The following CLEC1B variants were observed in gnomAD, a reference collection of about 807,000 sequenced individuals.
CLEC1B encodes the protein C-type lectin-like receptor 2.
In CLEC1B, 26 loss-of-function variants were observed where a neutral mutation model predicts 26.7. The observed-to-expected ratio is 0.97, with a 90% CI of 0.71 to 1.35. The LOEUF (loss-of-function observed/expected upper bound fraction) is 1.35. Among genes scored for constraint, CLEC1B ranks in the 40% most tolerant of loss-of-function variants. The probability of loss-of-function intolerance (pLI) is 0.00; values close to 1 mark genes in which losing one functional copy is unlikely to be tolerated. For missense variants in CLEC1B, 293 were observed against 282.6 expected (o/e 1.04, Z -0.26); for synonymous variants, 112 against 96.0 (o/e 1.17, Z -0.97).
Position 9,996,965 on chromosome 12 carries a change from T to C in CLEC1B, c.319A>G (p.Arg107Gly). ...CCATAGCAGCTATCTCCATAATATCTCCAGTTTGTGTCACAGGGGCTGCAT... is the reference window on the plus strand; with the variant it reads ...CCATAGCAGCTATCTCCATAATATCCCCAGTTTGTGTCACAGGGGCTGCAT... ...HKCSPCDTNW[R>G]YYGDSCYGFF... The change falls in exon 4 of 6, where the codon AGA becomes GGA. Residue 107 changes from arginine to glycine, a missense_variant. Coordinates refer to ENST00000298527, the MANE Select transcript of CLEC1B (RefSeq NM_016509.4). 1 of 1,614,082 alleles carries C rather than the reference T, an allele frequency of 6.2e-7. No individual in the cohort carries two copies. The highest frequency in any genetic ancestry group is 2.2e-5 in the East Asian group (1 of 44,876).
chr12:9,995,461 A>G (rs1359398554), intron 4 of CLEC1B: 1 of 492,626 alleles, frequency 2.0e-6, no homozygotes, highest in Non-Finnish European at 3.7e-6. Context: ...TGTACACAAA[A>G]TAGCTGATAT....
At chr12:9,995,541 G>C (rs1199380789) in intron 4 of CLEC1B, 3 of 369,324 alleles carry the variant, frequency 8.1e-6, no homozygotes, top group Admixed American at 7.8e-5. Flanking sequence ...CTCCCAAATA[G>C]AATACCAAAT....
chr12:9,993,395 G>GTAA, intron 5 of CLEC1B, 108 bp from the exon 6 acceptor site: 1 of 588,794 alleles, frequency 1.7e-6, no homozygotes, highest in East Asian at 3.6e-5. Flanking sequence ...GAGGAAAATA[G>GTAA]GAAAAAAAAA....
intron 5 of CLEC1B, among the ~76,000 whole-genome samples, chr12:9,994,513 A>G (rs1383827882): frequency 6.6e-6 from 1 of 152,144 alleles, no homozygotes. Context: ...ATACAGGATG[A>G]ACAAAAGATG....
intron 5 of CLEC1B, 181 bp from the exon 6 acceptor site, chr12:9,993,468 C>A: frequency 1.7e-6 from 1 of 604,702 alleles, no homozygotes; most frequent in Non-Finnish European, 2.9e-6. Flanking sequence ...ACAAGATATG[C>A]ATATTTAAAA....
At chr12:9,998,617 T>C (rs547082915) in intron 1 of CLEC1B, among the ~76,000 whole-genome samples, 223 of 121,248 alleles carry the variant, frequency 1.8e-3, no homozygotes, top group African/African-American at 6.7e-3. Context: ...AAATATTACT[T>C]GCTGTTAAGG....
In CLEC1B at chr12:9,993,119, T is replaced by C. The variant is rs1223181375; in HGVS notation, c.*24A>G. 1 of 1,599,494 alleles carries C rather than the reference T, an allele frequency of 6.3e-7. No individual in the cohort carries two copies. Among genetic ancestry groups the C allele is most frequent in the Non-Finnish European group, 8.6e-7 (1 of 1,169,558 alleles). On this transcript the variant is annotated 3_prime_UTR_variant, in exon 6 of 6. Coordinates refer to ENST00000298527, the MANE Select transcript of CLEC1B (RefSeq NM_016509.4). Reference sequence around the variant, plus strand: ...TATTGTACAATAAAGCCCTTATCTGTGTTATCCTGTCCACCTCTTTGCATT... The same window carrying C: ...TATTGTACAATAAAGCCCTTATCTGCGTTATCCTGTCCACCTCTTTGCATT...
upstream of CLEC1B, among the ~76,000 whole-genome samples, chr12:10,001,036 C>A (rs1481798352): frequency 6.6e-6 from 1 of 152,124 alleles, no homozygotes; most frequent in Non-Finnish European, 1.5e-5. Flanking sequence ...AGGTACCAAA[C>A]AGGTACATAT....
chr12:9,997,058 T>C (rs582968), intron 3 of CLEC1B, 58 bp from the exon 4 acceptor site: 907,332 of 1,608,550 alleles, frequency 0.56, 258,401 homozygotes, highest in East Asian at 0.71. Flanking sequence ...TACATTTTCT[T>C]CACATTCAAT....
At position 9,996,859 on chromosome 12, in the gene CLEC1B, T is replaced by G; in HGVS notation, c.425A>C (p.Asn142Thr). The change falls in exon 4 of 6, where the codon AAC (asparagine) becomes ACC (threonine). Residue 142 changes from asparagine to threonine, a missense_variant. Asn to Thr is a moderately conservative substitution (Grantham distance 65). Transcript: ENST00000298527. ...DMNATLLKIDNRNIVEYIKAR... is the reference protein window; with the variant it reads ...DMNATLLKIDTRNIVEYIKAR... ...GAATCTTCTTACCACAATGTTCCGG[T>G]TGTCAATCTTCAGGAGAGTAGCATT... 6.2e-7 allele frequency: 1 copy of G among 1,614,076 alleles called. No individual in the cohort carries two copies. Among genetic ancestry groups the G allele is most frequent in the Non-Finnish European group, 8.5e-7 (1 of 1,179,962 alleles).
In CLEC1B at chr12:9,993,274, C is replaced by T. The variant is rs1464708060; in HGVS notation, c.559G>A (p.Glu187Lys). The change falls in exon 6 of 6, where the codon GAA becomes AAA. Residue 187 changes from glutamate to lysine, a missense_variant. Coordinates refer to ENST00000298527, the MANE Select transcript of CLEC1B (RefSeq NM_016509.4). ...VISENMFEFL[E>K]DGKGNMNCAY... is the part of the protein sequence containing the mutation. Reference sequence around the variant, plus strand: ...CAATTCATATTTCCTTTTCCATCTTCCAAAAACTCAAACCTGTGAAGGGAA... The same window carrying T: ...CAATTCATATTTCCTTTTCCATCTTTCAAAAACTCAAACCTGTGAAGGGAA... 6.2e-7 allele frequency: 1 copy of T among 1,612,434 alleles called. No homozygotes were observed. The highest frequency in any genetic ancestry group is 1.7e-5 in the Admixed American group (1 of 59,902).
In CLEC1B at chr12:9,995,308, C is replaced by A. The variant is rs547939320; in HGVS notation, c.439-62G>T. On this transcript the variant is annotated intron_variant, in intron 4 of 5. Transcript: ENST00000298527. ...CCTCCACAGCTCTTGGTATGATAGACAAAGCTTCATGATAAGACGTTGGAC... is the reference window on the plus strand; with the variant it reads ...CCTCCACAGCTCTTGGTATGATAGAAAAAGCTTCATGATAAGACGTTGGAC... 83 of 1,386,806 alleles carry A rather than the reference C, an allele frequency of 6.0e-5. 1 individual carries two copies. In the South Asian group the frequency reaches 9.3e-4, roughly 16 times the overall value. The allele number at this position is 1,386,806 out of a possible 1,614,324, so 85.9% of individuals were successfully genotyped here.
intron 3 of CLEC1B, 29 bp from the exon 4 acceptor site, chr12:9,997,029 A>G (rs752943100): frequency 9.2e-5 from 148 of 1,611,974 alleles, no homozygotes; most frequent in Non-Finnish European, 1.2e-4. Context: ...GGAATGGTGT[A>G]TTTTTTCTAA....
chr12:9,997,106 A>G (rs1446442171), intron 3 of CLEC1B, 54 bp downstream of exon 3: 1 of 1,610,028 alleles, frequency 6.2e-7, no homozygotes, highest in South Asian at 1.1e-5. Flanking sequence ...AGTTGCCATC[A>G]GAGAAATGCT....
At chr12:10,001,610 G>C (rs1293834037), upstream of CLEC1B, among the ~76,000 whole-genome samples, 1 of 152,156 alleles carries the variant, frequency 6.6e-6, no homozygotes, top group Non-Finnish European at 1.5e-5. Context: ...ATAACATTGA[G>C]TTCTAATTTT....
In CLEC1B at chr12:9,993,264, T is replaced by C. The variant is rs1565568811; in HGVS notation, c.569A>G (p.Lys190Arg). ...ENMFEFLEDG[K>R]GNMNCAYFHN... ...AAAATAAGCACAATTCATATTTCCT[T>C]TTCCATCTTCCAAAAACTCAAACCT... Residue 190 changes from lysine to arginine, a missense_variant, in exon 6 of 6, where the codon AAA becomes AGA. By Grantham distance (26) the Lys-to-Arg change is conservative. Transcript: ENST00000298527. 1.9e-5 allele frequency: 30 copies of C among 1,612,942 alleles called. No individual in the cohort carries two copies. The highest frequency in any genetic ancestry group is 2.4e-5 in the Non-Finnish European group (28 of 1,179,162).
At chr12:9,996,801 T>G in intron 4 of CLEC1B, 45 bp downstream of exon 4, 1 of 1,605,926 alleles carries the variant, frequency 6.2e-7, no homozygotes, top group Non-Finnish European at 8.5e-7. Flanking sequence ...CATTTGAGGT[T>G]TCTCTTCCTT....
At chr12:9,994,820 CAT>C (rs147536119) in intron 5 of CLEC1B, among the ~76,000 whole-genome samples, 4,319 of 147,502 alleles carry the variant, frequency 0.029, 209 homozygotes, top group African/African-American at 0.098. Context: ...AACACACACA[CAT>C]GTGCATGCGC....
chr12:9,998,732 C>T (rs1040632769), intron 1 of CLEC1B, among the ~76,000 whole-genome samples: 3 of 152,144 alleles, frequency 2.0e-5, no homozygotes, highest in Admixed American at 6.5e-5. Flanking sequence ...TGAAGAATCA[C>T]ACTCATTTGC....
Sources: gnomAD v4.1 joint callset for allele counts (sites outside exome capture counted in the v4.1 genomes callset) on GRCh38, gnomAD v4.1.1 for gene constraint, MANE v1.5 for transcripts, NCBI Gene and HGNC (gene_info 2026-07-23, HGNC 2026-07-21) for gene names.